Variants in ADAMTSL1 observed in about 807,000 individuals in gnomAD.
ADAMTSL1 encodes the protein ADAMTS like 1.
ADAMTSL1 carries 126 observed loss-of-function variants against 201.8 expected under a neutral mutation model. The ratio of observed to expected loss-of-function variants is 0.62; its 90% CI spans 0.54 to 0.72. The LOEUF is 0.72. Among genes scored for constraint, ADAMTSL1 ranks in the 30% least tolerant of loss-of-function variants. The pLI is 0.00. For synonymous variants in ADAMTSL1, 1,121 were observed against 903.4 expected, an observed-to-expected ratio of 1.24 and a Z score of -4.32; for missense variants, 2,679 against 2,277.8, an observed-to-expected ratio of 1.18 and a Z score of -3.59.
chr9:18,126,540 CAG>C (rs1297310002), intron 1 of ADAMTSL1, among the ~76,000 whole-genome samples: 1 of 152,174 alleles, frequency 6.6e-6, no homozygotes, highest in Non-Finnish European at 1.5e-5. Context: ...CCACACGTGG[CAG>C]AGTGTCCACC....
intron 21 of ADAMTSL1, among the ~76,000 whole-genome samples, chr9:18,825,023 G>T (rs948612596): frequency 1.1e-4 from 17 of 152,090 alleles, no homozygotes; most frequent in Admixed American, 2.6e-4. Flanking sequence ...GCATGCCCTG[G>T]ATACATGCCA....
At chr9:17,994,774 C>T (rs1477540385) in intron 1 of ADAMTSL1, among the ~76,000 whole-genome samples, 1 of 152,078 alleles carries the variant, frequency 6.6e-6, no homozygotes, top group East Asian at 1.9e-4. Flanking sequence ...CAGGCACAGG[C>T]TCTTTTCTAG....
intron 1 of ADAMTSL1, among the ~76,000 whole-genome samples, chr9:17,913,646 G>A (rs1357488383): frequency 6.6e-6 from 1 of 152,078 alleles, no homozygotes; most frequent in Non-Finnish European, 1.5e-5. Flanking sequence ...TCAAAAGCTA[G>A]CAGAAGGCAA....
chr9:18,172,078 C>A (rs200280540), intron 2 of ADAMTSL1, among the ~76,000 whole-genome samples: 6 of 133,218 alleles, frequency 4.5e-5, no homozygotes, highest in Admixed American at 3.9e-4. Context: ...AGCTGAACAA[C>A]GAGAACACAT....
At chr9:18,221,125 T>G (rs1007785091) in intron 2 of ADAMTSL1, among the ~76,000 whole-genome samples, 3 of 152,136 alleles carry the variant, frequency 2.0e-5, no homozygotes, top group Non-Finnish European at 2.9e-5. Context: ...AAATCTAAAT[T>G]AGTAGATATC....
intron 20 of ADAMTSL1, among the ~76,000 whole-genome samples, chr9:18,801,186 A>T (rs1160865711): frequency 6.6e-6 from 1 of 152,192 alleles, no homozygotes; most frequent in Non-Finnish European, 1.5e-5. Context: ...CTCATCTTTT[A>T]TGCAAGGCAA....
intron 2 of ADAMTSL1, among the ~76,000 whole-genome samples, chr9:18,442,223 A>G (rs1278381908): frequency 1.3e-5 from 2 of 152,260 alleles, no homozygotes; most frequent in African/African-American, 4.8e-5. Flanking sequence ...GTTATACATC[A>G]AAGTAACTTA....
At chr9:18,573,655 C>A (rs1822494644) in intron 3 of ADAMTSL1, among the ~76,000 whole-genome samples, 1 of 152,110 alleles carries the variant, frequency 6.6e-6, no homozygotes, top group Admixed American at 6.6e-5. Context: ...ATAATTTCAA[C>A]TAATCCTCTG....
chr9:18,824,690 CTTTTTTT>C lies in ADAMTSL1; in HGVS notation c.3935-1575_3935-1569del, dbSNP rs34551511. On this transcript the variant is annotated intron_variant, in intron 21 of 28. Coordinates refer to ENST00000380548, the MANE Select transcript of ADAMTSL1 (RefSeq NM_001040272.6). ...TGACCCCATTTCCCGGGACTTGACC[CTTTTTTT>C]TTTTTTTTTTTTTTTTTTGAGACAG... Among the ~76,000 whole-genome samples, 11 of 75,736 alleles carry C rather than the reference CTTTTTTT, an allele frequency of 1.5e-4. 1 individual carries two copies. The highest frequency in any genetic ancestry group is 6.1e-4 in the African/African-American group (11 of 17,986). 49.7% of individuals were successfully genotyped at this position (75,736 alleles called of 152,430 possible).
chr9:18,090,570 G>A (rs1823967194), intron 1 of ADAMTSL1, among the ~76,000 whole-genome samples: 1 of 152,106 alleles, frequency 6.6e-6, no homozygotes, highest in African/African-American at 2.4e-5. Flanking sequence ...AAAATAGAGT[G>A]GTGGTTGCCA....
intron 2 of ADAMTSL1, among the ~76,000 whole-genome samples, chr9:18,272,669 C>G (rs1197292596): frequency 6.6e-6 from 1 of 152,172 alleles, no homozygotes; most frequent in Non-Finnish European, 1.5e-5. Flanking sequence ...ACACATGTTT[C>G]CTGGATACTG....
At chr9:18,825,693 C>A (rs1824505032) in intron 21 of ADAMTSL1, among the ~76,000 whole-genome samples, 1 of 151,712 alleles carries the variant, frequency 6.6e-6, no homozygotes, top group Admixed American at 6.6e-5. Flanking sequence ...AGTGGCCAAG[C>A]CACTTGTCCC....
intron 1 of ADAMTSL1, among the ~76,000 whole-genome samples, chr9:17,916,926 A>G (rs1251357127): frequency 6.6e-6 from 1 of 152,156 alleles, no homozygotes; most frequent in Non-Finnish European, 1.5e-5. Flanking sequence ...AAACCTCTGT[A>G]GTTAGGTCTT....
intron 1 of ADAMTSL1, among the ~76,000 whole-genome samples, chr9:18,127,498 A>G (rs1013525975): frequency 2.0e-5 from 3 of 151,138 alleles, no homozygotes; most frequent in Admixed American, 1.3e-4. Flanking sequence ...ACACACACAC[A>G]CACACACACA....
chr9:17,929,615 G>A (rs1019068697), intron 1 of ADAMTSL1, among the ~76,000 whole-genome samples: 4 of 151,878 alleles, frequency 2.6e-5, no homozygotes, highest in African/African-American at 9.7e-5. Flanking sequence ...GTTCCCCAAG[G>A]GCACCAAGCG....
chr9:18,087,692 AT>A (rs1311048544), intron 1 of ADAMTSL1, among the ~76,000 whole-genome samples: 1 of 152,182 alleles, frequency 6.6e-6, no homozygotes, highest in Non-Finnish European at 1.5e-5. Context: ...AATAATGGAT[AT>A]TTAAATACTT....
chr9:18,401,394 G>A (rs1238658394), intron 2 of ADAMTSL1, among the ~76,000 whole-genome samples: 1 of 152,168 alleles, frequency 6.6e-6, no homozygotes, highest in Non-Finnish European at 1.5e-5. Context: ...TTCTCTTGCT[G>A]CAGCCTTTCA....
At chr9:18,465,834 C>T (rs1451736129) in intron 2 of ADAMTSL1, among the ~76,000 whole-genome samples, 2 of 149,962 alleles carry the variant, frequency 1.3e-5, no homozygotes, top group Non-Finnish European at 1.5e-5. Context: ...CTGCAACCTC[C>T]GCCTCCTGGG....
At chr9:18,387,988 G>A (rs1837873039) in intron 2 of ADAMTSL1, among the ~76,000 whole-genome samples, 1 of 128,748 alleles carries the variant, frequency 7.8e-6, no homozygotes, top group Non-Finnish European at 1.9e-5. Flanking sequence ...GTACCTTTCT[G>A]ATGAGGAATT....
Sources: gnomAD v4.1 joint callset for allele counts (sites outside exome capture counted in the v4.1 genomes callset) on GRCh38, gnomAD v4.1.1 for gene constraint, MANE v1.5 for transcripts, NCBI Gene and HGNC (gene_info 2026-07-23, HGNC 2026-07-21) for gene names.